CDK13: variants seen among roughly 807,000 people sequenced by gnomAD.
The protein encoded by CDK13 is cyclin dependent kinase 13.
CDK13 carries 40 observed loss-of-function variants against 137.6 expected under a neutral mutation model. The observed-to-expected ratio is 0.29, with a 90% CI of 0.23 to 0.38. The LOEUF is 0.38. Among genes scored for constraint, CDK13 ranks in the 10% least tolerant of loss-of-function variants. The probability of loss-of-function intolerance (pLI) is 1.00; values close to 1 mark genes in which losing one functional copy is unlikely to be tolerated. For synonymous variants in CDK13, 869 were observed against 760.1 expected, an observed-to-expected ratio of 1.14 and a Z score of -2.36; for missense variants, 1,704 against 1,951.8, an observed-to-expected ratio of 0.87 and a Z score of 2.39.
intron 7 of CDK13, among the ~76,000 whole-genome samples, chr7:40,056,791 A>G (rs1302550269): frequency 4.6e-5 from 7 of 152,218 alleles, no homozygotes; most frequent in Non-Finnish European, 8.8e-5. Flanking sequence ...TGATGGTTGA[A>G]TGTGTTGTGA....
intron 2 of CDK13, among the ~76,000 whole-genome samples, chr7:39,989,585 A>G (rs890515354): frequency 1.8e-4 from 27 of 152,074 alleles, no homozygotes; most frequent in Non-Finnish European, 3.5e-4. Context: ...ACCCCATCCA[A>G]TTTAATCGGG....
intron 9 of CDK13, among the ~76,000 whole-genome samples, chr7:40,064,950 C>A (rs1786246036): frequency 7.5e-6 from 1 of 133,050 alleles, no homozygotes; most frequent in African/African-American, 2.8e-5. Flanking sequence ...CACCACCATG[C>A]TGGGTGATTT....
chr7:39,966,576 A>G (rs930435475), intron 1 of CDK13, among the ~76,000 whole-genome samples: 2 of 151,964 alleles, frequency 1.3e-5, no homozygotes, highest in Non-Finnish European at 2.9e-5. Context: ...AGCTCGGAGT[A>G]GTTTGATTGT....
chr7:40,063,812 C>T (rs1341542100), intron 9 of CDK13, among the ~76,000 whole-genome samples: 1 of 151,880 alleles, frequency 6.6e-6, no homozygotes, highest in Non-Finnish European at 1.5e-5. Context: ...TGCCCACCAC[C>T]ATGCCCAGCT....
intron 5 of CDK13, among the ~76,000 whole-genome samples, chr7:40,005,746 G>A (rs1769254544): frequency 6.6e-6 from 1 of 152,004 alleles, no homozygotes; most frequent in Non-Finnish European, 1.5e-5. Flanking sequence ...TTTTTTCTTT[G>A]AGACAGGGTC....
chr7:40,077,700 C>G (rs973124492), intron 9 of CDK13, among the ~76,000 whole-genome samples: 2 of 151,948 alleles, frequency 1.3e-5, no homozygotes, highest in Admixed American at 1.3e-4. Context: ...ACTAAAAATA[C>G]AAAAACTAGC....
intron 11 of CDK13, among the ~76,000 whole-genome samples, chr7:40,083,556 A>G (rs1786717765): frequency 6.6e-6 from 1 of 152,196 alleles, no homozygotes; most frequent in Non-Finnish European, 1.5e-5. Context: ...ATGTTTTTTA[A>G]GTATTTTGCC....
At chr7:40,016,528 G>C (rs1040799645) in intron 5 of CDK13, among the ~76,000 whole-genome samples, 1 of 152,080 alleles carries the variant, frequency 6.6e-6, no homozygotes, top group African/African-American at 2.4e-5. Flanking sequence ...ACTTGTTTTG[G>C]TTTGTGTTTA....
chr7:40,073,548 G>A (rs1562760855), intron 9 of CDK13: 1 of 149,948 alleles, frequency 6.7e-6, no homozygotes, highest in African/African-American at 2.5e-5. Context: ...CTGTAATAAA[G>A]CTTTTCTTTC....
intron 9 of CDK13, 149 bp downstream of exon 9, chr7:40,063,249 G>T (rs752406053): frequency 7.8e-6 from 5 of 640,522 alleles, no homozygotes; most frequent in Non-Finnish European, 1.4e-5. Context: ...AAACTGAAAT[G>T]TAGGCACTTT....
At chr7:40,058,045 G>T (rs1220239434) in intron 7 of CDK13, among the ~76,000 whole-genome samples, 1 of 151,210 alleles carries the variant, frequency 6.6e-6, no homozygotes, top group African/African-American at 2.4e-5. Context: ...GGTGGTAGTG[G>T]ATAATTGGGT....
chr7:40,094,725 A>AT lies in CDK13; in HGVS notation c.4285dup (p.Tyr1429LeufsTer2). 6.2e-7 allele frequency: 1 copy of AT among 1,614,208 alleles called. No individual in the cohort carries two copies. Among genetic ancestry groups the AT allele is most frequent in the Non-Finnish European group, 8.5e-7 (1 of 1,180,030 alleles). On this transcript the variant is annotated frameshift_variant, in exon 14 of 14. Coordinates refer to ENST00000181839, the MANE Select transcript of CDK13 (RefSeq NM_003718.5). LOFTEE classifies it high-confidence loss of function. Reference sequence around the variant, plus strand: ...GTGGAGACAAGGACCATAGATTTGAATATAGCCATGGTCCTATTGCAGTCC... The same window carrying AT: ...GTGGAGACAAGGACCATAGATTTGAATTATAGCCATGGTCCTATTGCAGTCC...
intron 2 of CDK13, among the ~76,000 whole-genome samples, chr7:39,997,167 C>T (rs1784581879): frequency 6.6e-6 from 1 of 151,774 alleles, no homozygotes; most frequent in Non-Finnish European, 1.5e-5. Flanking sequence ...TACCCCGTAC[C>T]CAGTTTCTTT....
At chr7:39,953,699 CATA>C (rs1447250348) in intron 1 of CDK13, among the ~76,000 whole-genome samples, 1 of 152,154 alleles carries the variant, frequency 6.6e-6, no homozygotes, top group Non-Finnish European at 1.5e-5. Context: ...CCGTTCAACA[CATA>C]ATCTTTTCAT....
intron 5 of CDK13, among the ~76,000 whole-genome samples, chr7:40,029,520 G>A (rs547171584): frequency 6.6e-6 from 1 of 151,792 alleles, no homozygotes; most frequent in East Asian, 2.0e-4. Context: ...AAGAGATTGA[G>A]ATCATCCTGG....
chr7:40,051,214 G>C (rs2150519755), intron 7 of CDK13, among the ~76,000 whole-genome samples: 1 of 151,714 alleles, frequency 6.6e-6, no homozygotes, highest in Non-Finnish European at 1.5e-5. Context: ...TTTGTTTTAA[G>C]AGCAAATATC....
intron 5 of CDK13, among the ~76,000 whole-genome samples, chr7:40,032,653 C>G (rs2150506004): frequency 6.6e-6 from 1 of 151,960 alleles, no homozygotes; most frequent in Admixed American, 6.6e-5. Flanking sequence ...TATCCTTTCT[C>G]CATTGAAGTG....
chr7:40,093,338 A>G, intron 13 of CDK13, 101 bp downstream of exon 13: 2 of 963,408 alleles, frequency 2.1e-6, no homozygotes, highest in East Asian at 2.6e-5. Context: ...CATTGCCAAA[A>G]GATGTCCTGA....
intron 9 of CDK13, among the ~76,000 whole-genome samples, chr7:40,068,875 G>A (rs1786346924): frequency 6.6e-6 from 1 of 152,052 alleles, no homozygotes; most frequent in South Asian, 2.1e-4. Context: ...CTAGGGAGGA[G>A]AAATTTTCAT....
Sources: allele counts gnomAD v4.1 joint callset (sites outside exome capture counted in the v4.1 genomes callset), GRCh38; gene constraint gnomAD v4.1.1; transcripts MANE v1.5; gene names NCBI Gene and HGNC (gene_info 2026-07-23, HGNC 2026-07-21).